Variants in MINPP1 observed in about 807,000 individuals in gnomAD.
MINPP1 encodes the protein multiple inositol polyphosphate phosphatase 1.
MINPP1 carries 28 observed loss-of-function variants against 46.1 expected under a neutral mutation model. That is an observed-to-expected ratio of 0.61 (90% CI 0.45 to 0.83). The LOEUF (loss-of-function observed/expected upper bound fraction) is 0.83, where lower values mean the gene tolerates loss of function less well. MINPP1 is among the 40% of genes least tolerant of loss of function. The pLI is 0.00. For synonymous variants in MINPP1, 268 were observed against 249.1 expected (o/e 1.08, Z -0.72); for missense variants, 603 against 610.0 (o/e 0.99, Z 0.12).
chr10:87,526,585 A>G (rs954110910), intron 4 of MINPP1, among the ~76,000 whole-genome samples: 7 of 152,156 alleles, frequency 4.6e-5, no homozygotes, highest in Non-Finnish European at 8.8e-5. Flanking sequence ...TTTTGTTGCC[A>G]TTGCTTTTGG....
intron 4 of MINPP1, among the ~76,000 whole-genome samples, chr10:87,530,846 T>A (rs1325163305): frequency 1.3e-5 from 2 of 152,178 alleles, no homozygotes; most frequent in African/African-American, 4.8e-5. Context: ...TGCAGTGGGC[T>A]CCACACAGTT....
chr10:87,505,411 C>A lies in MINPP1; in HGVS notation c.496C>A (p.Pro166Thr). ...GGCGCTGCGTCTGGCCTCGCTCTTC[C>A]CGGCCCTTTTCAGCCGTGAGAACTA... ...QLALRLASLF[P>T]ALFSRENYGR... The change falls in exon 1 of 5, where the codon CCG becomes ACG. Residue 166 changes from proline to threonine, a missense_variant. By Grantham distance (38) the Pro-to-Thr change is conservative. Transcript: ENST00000371996. The surrounding 1 kb of genome is among the most constrained non-coding windows in gnomAD (Gnocchi z 4.4). The A allele has an allele frequency of 6.2e-7, 1 of 1,613,884 alleles. No homozygotes were observed. Among genetic ancestry groups the A allele is most frequent in the Non-Finnish European group, 8.5e-7 (1 of 1,179,922 alleles).
At chr10:87,534,726 C>T (rs1194720741) in intron 4 of MINPP1, among the ~76,000 whole-genome samples, 1 of 152,070 alleles carries the variant, frequency 6.6e-6, no homozygotes, top group Non-Finnish European at 1.5e-5. Context: ...CACACAAAAC[C>T]CCACAACTTT....
At chr10:87,507,346 A>G (rs1407695526) in intron 1 of MINPP1, among the ~76,000 whole-genome samples, 1 of 152,226 alleles carries the variant, frequency 6.6e-6, no homozygotes, top group Non-Finnish European at 1.5e-5. Flanking sequence ...AAATACCCAG[A>G]TGCACTTGGG....
chr10:87,507,848 G>C (rs1851275722), intron 1 of MINPP1: 1 of 1,058,558 alleles, frequency 9.4e-7, no homozygotes, highest in Non-Finnish European at 1.1e-6. Flanking sequence ...TTGTGCTGCT[G>C]TCAGTAGTTT....
chr10:87,543,880 G>A (rs114008963), intron 4 of MINPP1, among the ~76,000 whole-genome samples: 3,291 of 152,220 alleles, frequency 0.022, 131 homozygotes, highest in African/African-American at 0.076. Context: ...ACTAGGTCCC[G>A]CCTTCAACAT....
At chr10:87,543,059 G>A (rs944669561) in intron 4 of MINPP1, among the ~76,000 whole-genome samples, 1 of 152,112 alleles carries the variant, frequency 6.6e-6, no homozygotes, top group African/African-American at 2.4e-5. Context: ...TGGAAGTGAG[G>A]ATGTTATTGG....
At chr10:87,540,457 C>A (rs955499221) in intron 4 of MINPP1, among the ~76,000 whole-genome samples, 2 of 148,236 alleles carry the variant, frequency 1.3e-5, no homozygotes, top group African/African-American at 2.5e-5. Flanking sequence ...CTGTCAGTCT[C>A]TCTCCTCTCT....
chr10:87,531,863 T>A (rs1300066008), intron 4 of MINPP1, among the ~76,000 whole-genome samples: 1 of 152,214 alleles, frequency 6.6e-6, no homozygotes, highest in Non-Finnish European at 1.5e-5. Context: ...ATGAAAATAT[T>A]TCAAAATCTG....
At chr10:87,528,967 C>T (rs1851618263) in intron 4 of MINPP1, among the ~76,000 whole-genome samples, 1 of 152,174 alleles carries the variant, frequency 6.6e-6, no homozygotes. Context: ...TATGTAATGG[C>T]CTTCTTTGTC....
intron 4 of MINPP1, among the ~76,000 whole-genome samples, chr10:87,542,914 C>G (rs193093304): frequency 6.0e-4 from 91 of 152,226 alleles, no homozygotes; most frequent in African/African-American, 1.9e-3. Flanking sequence ...AAGGCAAAGG[C>G]TGGAAGAGTT....
At chr10:87,551,361 T>C (rs895637344) in intron 4 of MINPP1, among the ~76,000 whole-genome samples, 2 of 151,980 alleles carry the variant, frequency 1.3e-5, no homozygotes, top group African/African-American at 4.8e-5. Context: ...TCTATAAAGG[T>C]AGGGAAAAGG....
Position 87,552,740 on chromosome 10 carries a change from T to G in MINPP1, c.*262T>G. 1 of 454,028 alleles carries G rather than the reference T, an allele frequency of 2.2e-6. No individual in the cohort carries two copies. Among genetic ancestry groups the G allele is most frequent in the South Asian group, 2.6e-5 (1 of 38,502 alleles). The allele number at this position is 454,028 out of a possible 1,614,324, so 28.1% of individuals were successfully genotyped here. On this transcript the variant is annotated 3_prime_UTR_variant, in exon 5 of 5. Transcript: ENST00000371996. ...CAAATGTTTACAGAAATGAAATTCT[T>G]CCTACTTATATAAGAAATCTCACAC...
Position 87,513,166 on chromosome 10 carries a change from C to T in MINPP1, c.878C>T (p.Ala293Val). ...VAFFTCSFDL[A>V]IKGVKSPWCD... is the part of the protein sequence containing the mutation. ...TTTTTCACCTGTTCATTTGACCTGG[C>T]AATTAAAGGTGTTAAATCTCCTTGG... The change falls in exon 3 of 5, where the codon GCA (alanine) becomes GTA (valine). Residue 293 changes from alanine (A) to valine (V), a missense_variant. This residue lies in a region of MINPP1 where 344 missense variants were observed against 381.1 expected (regional missense o/e 0.90). Coordinates refer to ENST00000371996, the MANE Select transcript of MINPP1 (RefSeq NM_004897.5). 2 of 1,613,680 alleles carry T rather than the reference C, an allele frequency of 1.2e-6. No homozygotes were observed. Among genetic ancestry groups the T allele is most frequent in the Non-Finnish European group, 1.7e-6 (2 of 1,179,808 alleles).
intron 3 of MINPP1, among the ~76,000 whole-genome samples, chr10:87,518,673 T>TG (rs1177480170): frequency 1.4e-4 from 21 of 152,210 alleles, no homozygotes; most frequent in African/African-American, 4.3e-4. Flanking sequence ...GCCCCATCGG[T>TG]ACTCTTCTGT....
chr10:87,508,645 T>A, intron 2 of MINPP1, 112 bp downstream of exon 2: 1 of 1,057,668 alleles, frequency 9.5e-7, no homozygotes, highest in Non-Finnish European at 1.4e-6. Flanking sequence ...TGATCTACAT[T>A]AAGAAAATAA....
chr10:87,505,227 G>A lies in MINPP1; in HGVS notation c.312G>A (p.Gln104=). 6.2e-7 allele frequency: 1 copy of A among 1,612,412 alleles called. No homozygotes were observed. The highest frequency in any genetic ancestry group is 1.1e-5 in the South Asian group (1 of 90,842). Residue 104 remains glutamine, a synonymous_variant, in exon 1 of 5, where the codon CAG becomes CAA. Transcript: ENST00000371996. The surrounding 1 kb of genome is among the most constrained non-coding windows in gnomAD (Gnocchi z 4.4). The part of the protein sequence containing the change: ...PTVKQIRKLR[Q]LHGLLQARGS... ...TCAAACAGATCCGCAAGCTGAGGCA[G>A]CTGCACGGGTTGCTGCAGGCCCGCG...
rs143987901 is a variant in MINPP1, at chr10:87,505,110, G to A, written c.195G>A (p.Glu65=). ...DVNPVLLSGP[E]APWRDPELLE... ...ACCCCGTGCTATTGTCGGGCCCCGA[G>A]GCTCCGTGGCGGGACCCTGAGCTGC... The change falls in exon 1 of 5, where the codon GAG becomes GAA. Residue 65 remains glutamate, a synonymous_variant. Transcript: ENST00000371996. This position sits in a 1 kb window ranked among gnomAD's most constrained non-coding sequence, Gnocchi z 4.4. 221 of 1,613,182 alleles carry A rather than the reference G, an allele frequency of 1.4e-4. No individual in the cohort carries two copies. In the Middle Eastern group the frequency reaches 1.8e-3, roughly 13 times the overall value.
At chr10:87,516,350 G>A in intron 3 of MINPP1, among the ~76,000 whole-genome samples, 1 of 104,464 alleles carries the variant, frequency 9.6e-6, no homozygotes, top group South Asian at 3.5e-4. Flanking sequence ...ACAATAGGAT[G>A]TCTATACAGT....
Sources: allele counts gnomAD v4.1 joint callset (sites outside exome capture counted in the v4.1 genomes callset), GRCh38; gene constraint gnomAD v4.1.1; regional missense constraint gnomAD v4.1.1; non-coding constraint Gnocchi (gnomAD v3.1); transcripts MANE v1.5; gene names NCBI Gene and HGNC (gene_info 2026-07-23, HGNC 2026-07-21).